Variants in ERBB4 observed in about 807,000 individuals in gnomAD.
The protein encoded by ERBB4 is receptor tyrosine-protein kinase erbB-4.
Under a neutral mutation model 158.0 loss-of-function variants are expected in ERBB4, and 42 were observed. The observed-to-expected ratio is 0.27, with a 90% CI of 0.21 to 0.34. The LOEUF is 0.34. Among genes scored for constraint, ERBB4 ranks in the 10% least tolerant of loss-of-function variants. ERBB4 has a pLI of 1.00. For missense variants in ERBB4, 1,333 were observed against 1,624.1 expected, an observed-to-expected ratio of 0.82 and a Z score of 3.08; for synonymous variants, 583 against 558.7, an observed-to-expected ratio of 1.04 and a Z score of -0.61.
At chr2:212,086,584 C>T (rs1440846569) in intron 2 of ERBB4, among the ~76,000 whole-genome samples, 1 of 151,934 alleles carries the variant, frequency 6.6e-6, no homozygotes, top group Admixed American at 6.6e-5. Flanking sequence ...AGAGTGGCTA[C>T]ATTTTTGCCC....
At chr2:212,208,819 T>C (rs1193530117) in intron 1 of ERBB4, among the ~76,000 whole-genome samples, 2 of 152,212 alleles carry the variant, frequency 1.3e-5, no homozygotes, top group Non-Finnish European at 2.9e-5. Context: ...ATCTAACCCC[T>C]TATTCCATAC....
At chr2:212,511,040 T>C (rs1195645512) in intron 1 of ERBB4, among the ~76,000 whole-genome samples, 2 of 152,134 alleles carry the variant, frequency 1.3e-5, no homozygotes, top group Non-Finnish European at 2.9e-5. Context: ...CAATTTCTTA[T>C]ACATGGCATG....
intron 3 of ERBB4, among the ~76,000 whole-genome samples, chr2:211,801,458 T>C (rs1217754421): frequency 6.6e-6 from 1 of 152,132 alleles, no homozygotes; most frequent in African/African-American, 2.4e-5. Flanking sequence ...TAACTTTTAT[T>C]TAAAATAGTG....
At chr2:211,771,671 A>T (rs2075695049) in intron 4 of ERBB4, among the ~76,000 whole-genome samples, 1 of 152,232 alleles carries the variant, frequency 6.6e-6, no homozygotes, top group African/African-American at 2.4e-5. Context: ...AAGCTGCCCT[A>T]CCCCTAAAGA....
chr2:211,916,682 G>C (rs1426986545), intron 3 of ERBB4, among the ~76,000 whole-genome samples: 1 of 152,102 alleles, frequency 6.6e-6, no homozygotes, highest in Non-Finnish European at 1.5e-5. Flanking sequence ...TCAACAGGAT[G>C]TGGAACTCTT....
At chr2:211,675,183 A>ATTGT (rs2072011035) in intron 13 of ERBB4, among the ~76,000 whole-genome samples, 3 of 150,602 alleles carry the variant, frequency 2.0e-5, no homozygotes, top group African/African-American at 7.3e-5. Context: ...TTAACAATTT[A>ATTGT]TAGTCTATTA....
intron 1 of ERBB4, among the ~76,000 whole-genome samples, chr2:212,240,502 G>T (rs796306372): frequency 6.6e-6 from 1 of 151,558 alleles, no homozygotes; most frequent in East Asian, 1.9e-4. Flanking sequence ...GCGTGGTGGT[G>T]CACACCTGTA....
chr2:211,433,807 G>A (rs960341220), intron 20 of ERBB4, among the ~76,000 whole-genome samples: 7 of 151,938 alleles, frequency 4.6e-5, no homozygotes, highest in African/African-American at 1.2e-4. Flanking sequence ...CACACTGGGC[G>A]GGGGTCAGTT....
At chr2:212,012,099 A>C (rs1210421835) in intron 2 of ERBB4, among the ~76,000 whole-genome samples, 1 of 152,134 alleles carries the variant, frequency 6.6e-6, no homozygotes, top group Admixed American at 6.5e-5. Flanking sequence ...AAAATATTTG[A>C]TATGTTTTAA....
intron 4 of ERBB4, among the ~76,000 whole-genome samples, chr2:211,758,279 A>G (rs2075330356): frequency 6.6e-6 from 1 of 152,208 alleles, no homozygotes; most frequent in Non-Finnish European, 1.5e-5. Flanking sequence ...ACATGCCTTC[A>G]GAATGCTTTA....
intron 20 of ERBB4, among the ~76,000 whole-genome samples, chr2:211,433,245 A>G (rs188646710): frequency 7.2e-5 from 11 of 152,334 alleles, no homozygotes; most frequent in Admixed American, 2.6e-4. Context: ...AGACTTTTGC[A>G]TTTCATGCAG....
intron 8 of ERBB4, among the ~76,000 whole-genome samples, chr2:211,712,377 A>G (rs558841895): frequency 2.0e-5 from 3 of 152,298 alleles, no homozygotes; most frequent in South Asian, 4.1e-4. Context: ...TTGTCCCTGC[A>G]TTAAAATCGA....
chr2:211,628,614 G>C (rs919374002), intron 17 of ERBB4, among the ~76,000 whole-genome samples: 1 of 152,110 alleles, frequency 6.6e-6, no homozygotes, highest in Non-Finnish European at 1.5e-5. Flanking sequence ...ATTGTGAATA[G>C]TGCCGCAATA....
At chr2:212,320,186 G>A (rs919127693) in intron 1 of ERBB4, among the ~76,000 whole-genome samples, 2 of 147,616 alleles carry the variant, frequency 1.4e-5, no homozygotes, top group Non-Finnish European at 3.0e-5. Context: ...CTACCAGGCC[G>A]ATTACTGGGT....
intron 1 of ERBB4, among the ~76,000 whole-genome samples, chr2:212,226,410 T>TGGGGG (rs138561912): frequency 6.7e-6 from 1 of 149,658 alleles, no homozygotes; most frequent in South Asian, 2.1e-4. Context: ...AGTAAAGACA[T>TGGGGG]GGGGGGGGGT....
At chr2:211,773,622 ATATATAT>A (rs1172037127) in intron 4 of ERBB4, among the ~76,000 whole-genome samples, 1,543 of 65,296 alleles carry the variant, frequency 0.024, 72 homozygotes, top group African/African-American at 0.036. Flanking sequence ...ATATATATAT[ATATATAT>A]ATATATATAT....
chr2:211,906,127 T>G (rs1316514000), intron 3 of ERBB4, among the ~76,000 whole-genome samples: 3 of 152,034 alleles, frequency 2.0e-5, no homozygotes, highest in African/African-American at 7.2e-5. Flanking sequence ...CAAAATAGAC[T>G]GTTGGAAGGC....
At position 212,153,856 on chromosome 2, in the gene ERBB4, C is replaced by T. The variant is rs139383997; in HGVS notation, c.83-28953G>A. Among the ~76,000 whole-genome samples, 998 of 152,144 alleles carry T rather than the reference C, an allele frequency of 6.6e-3. 10 individuals are homozygous for T. Among genetic ancestry groups the T allele is most frequent in the South Asian group, 0.05 (240 of 4,818 alleles). Reference sequence around the variant, plus strand: ...TATGAAACCTCACAGACTATTCTATCCCAGTAAAAATGCTGTTCTATCCCA... The same window carrying T: ...TATGAAACCTCACAGACTATTCTATTCCAGTAAAAATGCTGTTCTATCCCA... On this transcript the variant is annotated intron_variant, in intron 1 of 27. Coordinates refer to ENST00000342788, the MANE Select transcript of ERBB4 (RefSeq NM_005235.3).
chr2:211,617,577 C>T (rs1322440955), intron 19 of ERBB4, among the ~76,000 whole-genome samples: 1 of 152,062 alleles, frequency 6.6e-6, no homozygotes, highest in African/African-American at 2.4e-5. Context: ...ACTGGTAAGG[C>T]ATGAAACCAA....
Sources: allele counts gnomAD v4.1 joint callset (sites outside exome capture counted in the v4.1 genomes callset), GRCh38; gene constraint gnomAD v4.1.1; transcripts MANE v1.5; gene names NCBI Gene and HGNC (gene_info 2026-07-23, HGNC 2026-07-21).